Variants in ARHGAP18 observed in about 807,000 individuals in gnomAD.
ARHGAP18 encodes rho GTPase-activating protein 18.
Under a neutral mutation model 86.2 loss-of-function variants are expected in ARHGAP18, and 67 were observed. That is an observed-to-expected ratio of 0.78 (90% CI 0.64 to 0.95). The LOEUF is 0.95. ARHGAP18 is among the 40% of genes least tolerant of loss of function. The probability of loss-of-function intolerance (pLI) is 0.00; values close to 1 mark genes in which losing one functional copy is unlikely to be tolerated. For synonymous variants in ARHGAP18, 283 were observed against 280.4 expected, an observed-to-expected ratio of 1.01 and a Z score of -0.09; for missense variants, 691 against 780.4, an observed-to-expected ratio of 0.89 and a Z score of 1.37.
At chr6:129,623,619 A>T (rs1488203044) in intron 5 of ARHGAP18, among the ~76,000 whole-genome samples, 1 of 152,206 alleles carries the variant, frequency 6.6e-6, no homozygotes, top group Non-Finnish European at 1.5e-5. Flanking sequence ...ACAGAAATGG[A>T]ACTTAAGGTT....
chr6:129,644,234 A>G (rs1370497237), intron 1 of ARHGAP18, among the ~76,000 whole-genome samples: 3 of 152,068 alleles, frequency 2.0e-5, no homozygotes, highest in African/African-American at 7.2e-5. Context: ...CCCTGGCCTC[A>G]ATCGTCCTGT....
Position 129,599,157 on chromosome 6 carries a change from T to G in ARHGAP18, c.1713+59A>C, listed in dbSNP as rs550118312. The G allele has an allele frequency of 1.2e-5, 12 of 1,041,186 alleles. No individual in the cohort carries two copies. In the South Asian group the frequency reaches 2.5e-4, roughly 22 times the overall value. The allele number at this position is 1,041,186 out of a possible 1,614,324, so 64.5% of individuals were successfully genotyped here. On this transcript the variant is annotated intron_variant, in intron 12 of 14. Transcript: ENST00000368149. ...ACTATGAAAACATTAAATAAAAAAT[T>G]TTGGTATTAAAAAAATACTTAAGAT...
At chr6:129,592,312 T>A (rs1205326160) in intron 12 of ARHGAP18, among the ~76,000 whole-genome samples, 1 of 152,162 alleles carries the variant, frequency 6.6e-6, no homozygotes, top group Non-Finnish European at 1.5e-5. Context: ...AGAGATGCAA[T>A]TCTAAACAGA....
At chr6:129,689,095 T>G (rs1042083080) in intron 1 of ARHGAP18, among the ~76,000 whole-genome samples, 2 of 152,092 alleles carry the variant, frequency 1.3e-5, no homozygotes, top group Non-Finnish European at 2.9e-5. Context: ...GGAGCAAATC[T>G]GAAATTTCTG....
At chr6:129,666,842 A>G (rs9402160) in intron 1 of ARHGAP18, among the ~76,000 whole-genome samples, 78,526 of 152,082 alleles carry the variant, frequency 0.52, 21,034 homozygotes, top group African/African-American at 0.66. Flanking sequence ...TACAAGTCTT[A>G]GTTGATTGGG....
intron 1 of ARHGAP18, among the ~76,000 whole-genome samples, chr6:129,694,701 C>G (rs1394603642): frequency 1.3e-5 from 2 of 152,220 alleles, no homozygotes; most frequent in East Asian, 1.9e-4. Flanking sequence ...ATCCTCTTAG[C>G]TGACACTGTG....
rs183198919 is a variant in ARHGAP18 at position 129,588,885 on chromosome 6, A to G, written c.1714-4773T>C. ...TACCTACAGACTAAACACCACATGTAAACTTGCCAGGCTTGGGGTTTGCAC... is the reference window on the plus strand; with the variant it reads ...TACCTACAGACTAAACACCACATGTGAACTTGCCAGGCTTGGGGTTTGCAC... On this transcript the variant is annotated intron_variant, in intron 12 of 14. Transcript: ENST00000368149. Among the ~76,000 whole-genome samples, 559 of 152,354 alleles carry G rather than the reference A, an allele frequency of 3.7e-3. 6 individuals are homozygous for G. The highest frequency in any genetic ancestry group is 3.9e-3 in the Non-Finnish European group (267 of 68,032).
At chr6:129,579,484 G>C (rs1275504093) in intron 14 of ARHGAP18, among the ~76,000 whole-genome samples, 3 of 151,498 alleles carry the variant, frequency 2.0e-5, no homozygotes, top group African/African-American at 7.3e-5. Flanking sequence ...ATTTCCAAGA[G>C]TCAAAAAAGA....
chr6:129,686,683 C>CAA (rs1386995801), intron 1 of ARHGAP18, among the ~76,000 whole-genome samples: 2 of 151,902 alleles, frequency 1.3e-5, no homozygotes, highest in African/African-American at 2.4e-5. Context: ...TTAAGTGTTA[C>CAA]AAGTTATAAG....
intron 1 of ARHGAP18, among the ~76,000 whole-genome samples, chr6:129,644,331 C>G (rs955175676): frequency 2.6e-5 from 4 of 152,160 alleles, no homozygotes; most frequent in African/African-American, 9.6e-5. Context: ...GTTTTCACTC[C>G]TGATTCTTAA....
At chr6:129,631,482 A>AG (rs71028171) in intron 4 of ARHGAP18, among the ~76,000 whole-genome samples, 201 of 152,318 alleles carry the variant, frequency 1.3e-3, no homozygotes, top group Middle Eastern at 3.4e-3. Flanking sequence ...AGGGTTGAAG[A>AG]GGGGTACTGC....
intron 4 of ARHGAP18, among the ~76,000 whole-genome samples, chr6:129,630,167 C>A (rs1258638189): frequency 6.6e-6 from 1 of 152,098 alleles, no homozygotes; most frequent in Non-Finnish European, 1.5e-5. Context: ...CTGTAAATAC[C>A]AGTCAAATAA....
intron 1 of ARHGAP18, among the ~76,000 whole-genome samples, chr6:129,645,403 A>G (rs1421022895): frequency 6.6e-6 from 1 of 152,198 alleles, no homozygotes; most frequent in African/African-American, 2.4e-5. Flanking sequence ...TGCTAGATGT[A>G]ATGAAGTACA....
In ARHGAP18 at chr6:129,625,149, T is replaced by TATGATATATGA. The variant is rs1333850925; in HGVS notation, c.786+4203_786+4204insTCATATATCAT. ...TATTATATATGATATATATTATATA[T>TATGATATATGA]TATATAGATATATATTATATATGAT... On this transcript the variant is annotated intron_variant, in intron 5 of 14. Transcript: ENST00000368149. Among the ~76,000 whole-genome samples the TATGATATATGA allele has an allele frequency of 2.5e-4, 14 of 56,156 alleles. 3 individuals carry two copies. Among genetic ancestry groups the TATGATATATGA allele is most frequent in the Admixed American group, 1.1e-3 (4 of 3,484 alleles). 36.8% of individuals were successfully genotyped at this position (56,156 alleles called of 152,430 possible). A position where few individuals can be genotyped will look rare whatever the true frequency, so the allele number is the denominator to read the frequency against.
chr6:129,629,335 A>G lies in ARHGAP18; in HGVS notation c.786+18T>C, dbSNP rs758438141. On this transcript the variant is annotated intron_variant, in intron 5 of 14. Coordinates refer to ENST00000368149, the MANE Select transcript of ARHGAP18 (RefSeq NM_033515.3). ...TATATGTACATATATGTATATTTAT[A>G]AAGAGTGTACTACGTACAGGTAATG... is the stretch of plus-strand genomic sequence containing the variant. 2 of 1,609,230 alleles carry G rather than the reference A, an allele frequency of 1.2e-6. No homozygotes were observed. The highest frequency in any genetic ancestry group is 1.1e-5 in the South Asian group (1 of 90,700).
At chr6:129,653,247 A>G (rs1402003228) in intron 1 of ARHGAP18, among the ~76,000 whole-genome samples, 1 of 152,248 alleles carries the variant, frequency 6.6e-6, no homozygotes. Context: ...ATTTGTGTTT[A>G]TGTTAGAAAA....
chr6:129,626,272 C>T (rs1000750721), intron 5 of ARHGAP18, among the ~76,000 whole-genome samples: 1 of 151,248 alleles, frequency 6.6e-6, no homozygotes, highest in African/African-American at 2.4e-5. Context: ...ACCACTAAGT[C>T]AACAAAACAA....
At chr6:129,677,563 G>A (rs1463302324) in intron 1 of ARHGAP18, among the ~76,000 whole-genome samples, 2 of 152,160 alleles carry the variant, frequency 1.3e-5, no homozygotes, top group Non-Finnish European at 2.9e-5. Flanking sequence ...TAGAAGAAAT[G>A]AGACACTGTT....
chr6:129,626,901 C>G (rs1057007583), intron 5 of ARHGAP18, among the ~76,000 whole-genome samples: 6 of 152,184 alleles, frequency 3.9e-5, no homozygotes, highest in African/African-American at 1.4e-4. Context: ...TGCTCATGTA[C>G]GTCTGTCCTC....
Sources: gnomAD v4.1 joint callset for allele counts (sites outside exome capture counted in the v4.1 genomes callset) on GRCh38, gnomAD v4.1.1 for gene constraint, MANE v1.5 for transcripts, NCBI Gene and HGNC (gene_info 2026-07-23, HGNC 2026-07-21) for gene names.